ENG: variants seen among roughly 807,000 people sequenced by gnomAD.
The protein encoded by ENG is endoglin.
A neutral mutation model predicts 71.0 loss-of-function variants in ENG; 17 were observed. The observed-to-expected ratio is 0.24, with a 90% CI of 0.16 to 0.36. ENG has a LOEUF of 0.36. ENG is among the 10% of genes least tolerant of loss of function. The pLI is 1.00. For synonymous variants in ENG, 360 were observed against 366.9 expected, an observed-to-expected ratio of 0.98 and a Z score of 0.21; for missense variants, 749 against 868.3, an observed-to-expected ratio of 0.86 and a Z score of 1.73.
At chr9:127,852,973 G>A (rs1453809416) in intron 1 of ENG, among the ~76,000 whole-genome samples, 1 of 152,162 alleles carries the variant, frequency 6.6e-6, no homozygotes, top group Non-Finnish European at 1.5e-5. Context: ...TGGAGCTCAG[G>A]TAGGGGCTCC....
intron 2 of ENG, among the ~76,000 whole-genome samples, chr9:127,830,340 TAAAAAA>T (rs141738433): frequency 1.5e-5 from 1 of 66,846 alleles, no homozygotes; most frequent in Non-Finnish European, 2.9e-5. Context: ...AGACTCCATC[TAAAAAA>T]AAAAAAAAAA....
chr9:127,833,839 T>C (rs952029485), intron 2 of ENG, among the ~76,000 whole-genome samples: 3 of 152,240 alleles, frequency 2.0e-5, no homozygotes, highest in Non-Finnish European at 2.9e-5. Flanking sequence ...TTTCTGTTAC[T>C]CAATAATGAT....
intron 2 of ENG, among the ~76,000 whole-genome samples, chr9:127,833,238 T>C (rs919557957): frequency 1.3e-5 from 2 of 152,032 alleles, no homozygotes; most frequent in Non-Finnish European, 2.9e-5. Flanking sequence ...CTAAGACAGG[T>C]AGACCAGGCG....
At chr9:127,818,406 T>C in intron 11 of ENG, 29 bp from the exon 12 acceptor site, 1 of 1,610,864 alleles carries the variant, frequency 6.2e-7, no homozygotes, top group East Asian at 2.2e-5. Context: ...CCACGCGGCA[T>C]GGGCAGCTGC....
chr9:127,852,183 G>A (rs1308612244), intron 1 of ENG, among the ~76,000 whole-genome samples: 1 of 152,114 alleles, frequency 6.6e-6, no homozygotes, highest in East Asian at 1.9e-4. Context: ...CAGTTATCGG[G>A]TTTTTGTTAC....
intron 2 of ENG, among the ~76,000 whole-genome samples, chr9:127,831,216 A>G (rs1830756755): frequency 6.8e-6 from 1 of 147,078 alleles, no homozygotes; most frequent in South Asian, 2.1e-4. Flanking sequence ...ACTGGAGTGC[A>G]GTGATGTGAT....
chr9:127,841,551 A>G (rs1831032607), intron 2 of ENG, among the ~76,000 whole-genome samples: 1 of 152,182 alleles, frequency 6.6e-6, no homozygotes, highest in Non-Finnish European at 1.5e-5. Flanking sequence ...ACTATCTATG[A>G]TTTGGAAATT....
Position 127,818,256 on chromosome 9 carries a change from A to G in ENG, c.1550T>C (p.Val517Ala). The G allele has an allele frequency of 6.2e-7, 1 of 1,614,176 alleles. No individual in the cohort carries two copies. Among genetic ancestry groups the G allele is most frequent in the Non-Finnish European group, 8.5e-7 (1 of 1,180,020 alleles). ...IQGRAAKGNCVSLLSPSPEGD... is the reference protein window; with the variant it reads ...IQGRAAKGNCASLLSPSPEGD... ...CTCGGGGCTTGGGGACAGCAGGCTCACACAGTTGCCCTTGGCCGCCCGGCC... is the reference window on the plus strand; with the variant it reads ...CTCGGGGCTTGGGGACAGCAGGCTCGCACAGTTGCCCTTGGCCGCCCGGCC... The change falls in exon 12 of 15, where the codon GTG becomes GCG. Residue 517 changes from valine to alanine, a missense_variant. Coordinates refer to ENST00000373203, the MANE Select transcript of ENG (RefSeq NM_001114753.3).
intron 1 of ENG, among the ~76,000 whole-genome samples, chr9:127,851,369 A>C (rs1831281315): frequency 6.6e-6 from 1 of 151,512 alleles, no homozygotes; most frequent in South Asian, 2.1e-4. Flanking sequence ...ACAGGCGCCC[A>C]CCACTACGCC....
At chr9:127,817,105 C>A in intron 13 of ENG, 44 bp downstream of exon 13, 1 of 1,610,738 alleles carries the variant, frequency 6.2e-7, no homozygotes, top group Non-Finnish European at 8.5e-7. Flanking sequence ...CCTACTGTGA[C>A]CTCAGCCACT....
chr9:127,844,377 T>C (rs1831121247), intron 1 of ENG, among the ~76,000 whole-genome samples: 1 of 152,138 alleles, frequency 6.6e-6, no homozygotes, highest in Admixed American at 6.5e-5. Flanking sequence ...TCCGCCTGCC[T>C]TGGCCTCCCA....
chr9:127,830,944 T>C (rs559846912), intron 2 of ENG, among the ~76,000 whole-genome samples: 1 of 152,226 alleles, frequency 6.6e-6, no homozygotes, highest in East Asian at 1.9e-4. Context: ...ATTATTTTGA[T>C]ATAAGAATGT....
chr9:127,822,869 C>A (rs1830499758), intron 8 of ENG, among the ~76,000 whole-genome samples: 1 of 152,238 alleles, frequency 6.6e-6, no homozygotes, highest in Non-Finnish European at 1.5e-5. Context: ...GAAATGGAGT[C>A]TCGCTCTGTC....
intron 8 of ENG, 88 bp downstream of exon 8, chr9:127,824,216 G>T (rs949270423): frequency 4.4e-6 from 7 of 1,599,020 alleles, no homozygotes; most frequent in East Asian, 4.5e-5. Flanking sequence ...TTGCCCCCCT[G>T]CCTGGGCTAG....
At position 127,818,740 on chromosome 9, in the gene ENG, C is replaced by G. The variant is rs1830396464; in HGVS notation, c.1404G>C (p.Glu468Asp). 1 of 1,613,992 alleles carries G rather than the reference C, an allele frequency of 6.2e-7. No individual in the cohort carries two copies. The highest frequency in any genetic ancestry group is 1.3e-5 in the African/African-American group (1 of 74,898). ...CCTGCACAAAGCTCTGCTGCCCCGG[C>G]TCGATGGTGTTGGAGGCCTGGAGGA... ...PHFLQASNTI[E>D]PGQQSFVQVR... is the part of the protein sequence containing the mutation. Residue 468 changes from glutamate to aspartate, a missense_variant, in exon 11 of 15, where the codon GAG becomes GAC. By Grantham distance (45) the Glu-to-Asp change is conservative. Coordinates refer to ENST00000373203, the MANE Select transcript of ENG (RefSeq NM_001114753.3).
At chr9:127,848,147 C>T (rs1259432667) in intron 1 of ENG, among the ~76,000 whole-genome samples, 1 of 152,178 alleles carries the variant, frequency 6.6e-6, no homozygotes, top group African/African-American at 2.4e-5. Flanking sequence ...GTGGGGGTTG[C>T]TCAGGAACTG....
chr9:127,843,182 T>A lies in ENG; in HGVS notation c.131A>T (p.Tyr44Phe), dbSNP rs1198069233. Reference sequence around the variant, plus strand: ...GCCCTTCGAGACCTGGCTAGTGGTATATGTCACCTCGCCCCTCTCGGGGCC... The same window carrying A: ...GCCCTTCGAGACCTGGCTAGTGGTAAATGTCACCTCGCCCCTCTCGGGGCC... ...PVGPERGEVT[Y>F]TTSQVSKGCV... The change falls in exon 2 of 15, where the codon TAT becomes TTT. Residue 44 changes from tyrosine to phenylalanine, a missense_variant. Coordinates refer to ENST00000373203, the MANE Select transcript of ENG (RefSeq NM_001114753.3). 5 of 1,614,234 alleles carry A rather than the reference T, an allele frequency of 3.1e-6. No individual in the cohort carries two copies. The highest frequency in any genetic ancestry group is 4.2e-6 in the Non-Finnish European group (5 of 1,180,042).
chr9:127,844,405 G>T (rs532915628), intron 1 of ENG, among the ~76,000 whole-genome samples: 9 of 152,024 alleles, frequency 5.9e-5, no homozygotes, highest in Non-Finnish European at 1.3e-4. Context: ...AGGATTACAG[G>T]CATGAGCCAC....
Position 127,815,295 on chromosome 9 carries a change from G to A in ENG, c.*387C>T, listed in dbSNP as rs915728475. Reference sequence around the variant, plus strand: ...GGCTGGGCCCTCTTCTCTTCCCAGCGGGGAGGTGCTGTTGGCCTGGCTGGG... The same window carrying A: ...GGCTGGGCCCTCTTCTCTTCCCAGCAGGGAGGTGCTGTTGGCCTGGCTGGG... On this transcript the variant is annotated 3_prime_UTR_variant, in exon 15 of 15. Transcript: ENST00000373203. 4 of 216,698 alleles carry A rather than the reference G, an allele frequency of 1.8e-5. No homozygotes were observed. The highest frequency in any genetic ancestry group is 1.1e-4 in the East Asian group (1 of 8,780). 13.4% of individuals were successfully genotyped at this position (216,698 alleles called of 1,614,324 possible).
Sources: gnomAD v4.1 joint callset for allele counts (sites outside exome capture counted in the v4.1 genomes callset) on GRCh38, gnomAD v4.1.1 for gene constraint, MANE v1.5 for transcripts, NCBI Gene and HGNC (gene_info 2026-07-23, HGNC 2026-07-21) for gene names.